FHIT: variants seen among roughly 807,000 people sequenced by gnomAD.
The protein encoded by FHIT is fragile histidine triad diadenosine triphosphatase, also known as bis(5'-adenosyl)-triphosphatase.
In FHIT, 19 loss-of-function variants were observed where a neutral mutation model predicts 17.9. That is an observed-to-expected ratio of 1.06 (90% CI 0.74 to 1.56). FHIT has a LOEUF of 1.56. Among genes scored for constraint, FHIT ranks in the 40% most tolerant of loss-of-function variants. FHIT has a pLI of 0.00. For synonymous variants in FHIT, 81 were observed against 69.7 expected (o/e 1.16, Z -0.81); for missense variants, 248 against 189.2 (o/e 1.31, Z -1.82).
chr3:60,859,715 T>G (rs1703545061), intron 3 of FHIT, among the ~76,000 whole-genome samples: 1 of 144,600 alleles, frequency 6.9e-6, no homozygotes, highest in Non-Finnish European at 1.5e-5. Flanking sequence ...CAGTGGATTC[T>G]GAATACGATT....
chr3:59,783,188 T>G (rs1454521662), intron 8 of FHIT, among the ~76,000 whole-genome samples: 1 of 152,032 alleles, frequency 6.6e-6, no homozygotes, highest in East Asian at 1.9e-4. Context: ...AAGCAAATAA[T>G]AGCTGGGCAC....
intron 8 of FHIT, among the ~76,000 whole-genome samples, chr3:59,765,288 A>G (rs1316161687): frequency 6.6e-6 from 1 of 152,254 alleles, no homozygotes; most frequent in Non-Finnish European, 1.5e-5. Context: ...TCAGGTATCT[A>G]TGTAAAGGTC....
intron 3 of FHIT, among the ~76,000 whole-genome samples, chr3:60,959,986 G>C (rs761965105): frequency 9.2e-5 from 14 of 151,584 alleles, no homozygotes; most frequent in Non-Finnish European, 1.6e-4. Flanking sequence ...TATATACTTT[G>C]TAATGTTTTT....
chr3:60,988,937 T>G (rs1393930182), intron 3 of FHIT, among the ~76,000 whole-genome samples: 9 of 52,096 alleles, frequency 1.7e-4, no homozygotes, highest in Admixed American at 3.0e-4. Context: ...CAAATGGCCA[T>G]GGCTTTGTTA....
chr3:61,215,473 C>G (rs917206061), intron 1 of FHIT, among the ~76,000 whole-genome samples: 12 of 152,072 alleles, frequency 7.9e-5, no homozygotes, highest in African/African-American at 2.9e-4. Context: ...AACTACAAAC[C>G]ACTGCTCAAT....
chr3:59,856,885 T>TA (rs1221876214), intron 8 of FHIT, among the ~76,000 whole-genome samples: 2 of 146,440 alleles, frequency 1.4e-5, no homozygotes, highest in African/African-American at 5.1e-5. Context: ...TTTTTTTTTT[T>TA]AACTCTCCTT....
intron 8 of FHIT, among the ~76,000 whole-genome samples, chr3:59,833,679 T>A (rs998249307): frequency 2.6e-4 from 39 of 152,322 alleles, no homozygotes; most frequent in African/African-American, 9.4e-4. Flanking sequence ...AAACTTCTGA[T>A]GGAAATCACT....
intron 4 of FHIT, among the ~76,000 whole-genome samples, chr3:60,784,983 A>G (rs1160294334): frequency 6.6e-6 from 1 of 152,150 alleles, no homozygotes; most frequent in South Asian, 2.1e-4. Flanking sequence ...TCTGTTGTTT[A>G]TGAGCCACCT....
chr3:60,118,041 ATAT>A (rs1705057374), intron 5 of FHIT, among the ~76,000 whole-genome samples: 1 of 152,122 alleles, frequency 6.6e-6, no homozygotes, highest in South Asian at 2.1e-4. Flanking sequence ...GAGACCAAGG[ATAT>A]TATTTATCTT....
intron 3 of FHIT, among the ~76,000 whole-genome samples, chr3:60,936,206 G>A (rs181113707): frequency 1.5e-4 from 23 of 152,220 alleles, no homozygotes; most frequent in Admixed American, 7.9e-4. Context: ...CTTTTAATAC[G>A]CAATTAAGTA....
At chr3:59,788,881 G>GTTTTTTTTTTGTTTTT (rs545945821) in intron 8 of FHIT, among the ~76,000 whole-genome samples, 2 of 86,804 alleles carry the variant, frequency 2.3e-5, no homozygotes, top group East Asian at 8.0e-4. Context: ...GAGTTCATAT[G>GTTTTTTTTTTGTTTTT]TTTTTTTTTT....
chr3:60,997,096 T>C (rs1553793962), intron 3 of FHIT, among the ~76,000 whole-genome samples: 1 of 152,166 alleles, frequency 6.6e-6, no homozygotes, highest in South Asian at 2.1e-4. Flanking sequence ...CTCTGGGAAC[T>C]CTTTGGTCTG....
At chr3:59,959,656 G>C (rs1484842369) in intron 7 of FHIT, among the ~76,000 whole-genome samples, 1 of 152,142 alleles carries the variant, frequency 6.6e-6, no homozygotes, top group African/African-American at 2.4e-5. Context: ...CTCTGTACTT[G>C]GTACTGGGGC....
At chr3:60,830,490 T>C (rs2106813362) in intron 3 of FHIT, among the ~76,000 whole-genome samples, 1 of 152,284 alleles carries the variant, frequency 6.6e-6, no homozygotes, top group East Asian at 1.9e-4. Context: ...TAACAAAATA[T>C]TTACCTTTCT....
chr3:60,527,329 T>G (rs2035613112), intron 5 of FHIT, among the ~76,000 whole-genome samples: 1 of 152,226 alleles, frequency 6.6e-6, no homozygotes, highest in Non-Finnish European at 1.5e-5. Flanking sequence ...TTAACAACTA[T>G]TAAAGCAATC....
intron 5 of FHIT, among the ~76,000 whole-genome samples, chr3:60,168,385 G>C (rs1226286045): frequency 6.6e-6 from 1 of 152,176 alleles, no homozygotes; most frequent in Non-Finnish European, 1.5e-5. Flanking sequence ...CAAGGTTCCT[G>C]TTAATGGATC....
At chr3:59,926,427 ATAAG>A (rs1021596319) in intron 7 of FHIT, among the ~76,000 whole-genome samples, 5 of 152,256 alleles carry the variant, frequency 3.3e-5, no homozygotes, top group African/African-American at 1.2e-4. Flanking sequence ...GATGCAGAAG[ATAAG>A]TAAGGAAATG....
chr3:60,309,673 C>T (rs752724705), intron 5 of FHIT, among the ~76,000 whole-genome samples: 1 of 152,128 alleles, frequency 6.6e-6, no homozygotes, highest in Non-Finnish European at 1.5e-5. Flanking sequence ...AGCCAACAGA[C>T]TCTGAGGTCA....
At chr3:61,120,792 T>G (rs1294012508) in intron 2 of FHIT, among the ~76,000 whole-genome samples, 1 of 151,784 alleles carries the variant, frequency 6.6e-6, no homozygotes. Flanking sequence ...AATGACAAAC[T>G]CCTCTGAGCT....
Sources: gnomAD v4.1 joint callset for allele counts (sites outside exome capture counted in the v4.1 genomes callset) on GRCh38, gnomAD v4.1.1 for gene constraint, MANE v1.5 for transcripts, NCBI Gene and HGNC (gene_info 2026-07-23, HGNC 2026-07-21) for gene names.